EIF2S3B: variants seen among roughly 807,000 people sequenced by gnomAD.
EIF2S3B encodes eukaryotic translation initiation factor 2 subunit 3B.
A neutral mutation model predicts 26.4 loss-of-function variants in EIF2S3B; 16 were observed. That is an observed-to-expected ratio of 0.61 (90% CI 0.41 to 0.92). The LOEUF (loss-of-function observed/expected upper bound fraction) is 0.92, where lower values mean the gene tolerates loss of function less well. Ranked by LOEUF, EIF2S3B falls within the 40% of genes least tolerant of loss-of-function variation. The pLI, the probability that EIF2S3B is intolerant of heterozygous loss-of-function variation, is 0.00. For synonymous variants in EIF2S3B, 183 were observed against 204.4 expected (o/e 0.90, Z 0.89); for missense variants, 510 against 575.5 (o/e 0.89, Z 1.16).
intron 1 of EIF2S3B, among the ~76,000 whole-genome samples, chr12:10,522,347 A>G (rs1864841221): frequency 6.6e-6 from 1 of 152,184 alleles, no homozygotes; most frequent in Non-Finnish European, 1.5e-5. Flanking sequence ...AAAAATATTT[A>G]AATAAATAAA....
In EIF2S3B at chr12:10,507,559, A is replaced by C; in HGVS notation, c.*238A>C. The C allele has an allele frequency of 1.7e-6, 1 of 591,698 alleles. No individual in the cohort carries two copies. The highest frequency in any genetic ancestry group is 3.0e-6 in the Non-Finnish European group (1 of 336,026). 36.7% of individuals were successfully genotyped at this position (591,698 alleles called of 1,614,324 possible). ...ATCTACATTTTGGCAGAAGTTAAGCATTCCCACATAATGTCAAAATTATAC... is the reference window on the plus strand; with the variant it reads ...ATCTACATTTTGGCAGAAGTTAAGCCTTCCCACATAATGTCAAAATTATAC... On this transcript the variant is annotated 3_prime_UTR_variant, in exon 1 of 1. Coordinates refer to ENST00000538173, the MANE Select transcript of EIF2S3B (RefSeq NM_001357734.3).
downstream of EIF2S3B, among the ~76,000 whole-genome samples, chr12:10,510,411 A>G (rs1000550424): frequency 6.6e-6 from 1 of 152,156 alleles, no homozygotes; most frequent in Non-Finnish European, 1.5e-5. Flanking sequence ...TTTGTCATCA[A>G]TCTTAATGAG....
chr12:10,507,451 T>A lies in EIF2S3B; in HGVS notation c.*130T>A. The A allele has an allele frequency of 9.4e-7, 1 of 1,067,442 alleles. No homozygotes were observed. Among genetic ancestry groups the A allele is most frequent in the Non-Finnish European group, 1.4e-6 (1 of 728,754 alleles). The allele number at this position is 1,067,442 out of a possible 1,614,324, so 66.1% of individuals were successfully genotyped here. A position where few individuals can be genotyped will look rare whatever the true frequency, so the allele number is the denominator to read the frequency against. On this transcript the variant is annotated 3_prime_UTR_variant, in exon 1 of 1. Coordinates refer to ENST00000538173, the MANE Select transcript of EIF2S3B (RefSeq NM_001357734.3). ...AGTTTGTTACCTTAGTAGGTAACGG[T>A]AAGGTTATTCTCTCTTTTTTTTTTT...
Position 10,506,788 on chromosome 12 carries a change from G to C in EIF2S3B, c.886G>C (p.Val296Leu). 6.2e-7 allele frequency: 1 copy of C among 1,613,696 alleles called. No individual in the cohort carries two copies. Among genetic ancestry groups the C allele is most frequent in the Non-Finnish European group, 8.5e-7 (1 of 1,179,570 alleles). Residue 296 changes from valine (V) to leucine (L), a missense_variant, in exon 1 of 1, where the codon GTA becomes CTA. Physicochemically the swap from Val to Leu is conservative, Grantham distance 32. Coordinates refer to ENST00000538173, the MANE Select transcript of EIF2S3B (RefSeq NM_001357734.3). ...GVLKVGQETE[V>L]RPGIVSKDSE... ...ATTAAAGGTGGGCCAGGAGACAGAA[G>C]TAAGACCTGGTATTGTTTCCAAAGA...
rs201690662 is a variant in EIF2S3B, at chr12:10,506,871, G to A, written c.969G>A (p.Ala323=). ...SIFSKIVSLF[A]EHNDLQYAAP... ...TTTCCAAAATTGTTTCACTTTTTGC[G>A]GAGCATAATGATCTGCAATATGCTG... The change falls in exon 1 of 1, where the codon GCG becomes GCA. Residue 323 remains alanine, a synonymous_variant. Transcript: ENST00000538173. 4.0e-4 allele frequency: 647 copies of A among 1,613,454 alleles called. No homozygotes were observed. The highest frequency in any genetic ancestry group is 5.5e-4 in the African/African-American group (41 of 74,934).
At chr12:10,512,041 G>A (rs1039022955), downstream of EIF2S3B, among the ~76,000 whole-genome samples, 1 of 152,126 alleles carries the variant, frequency 6.6e-6, no homozygotes, top group African/African-American at 2.4e-5. Context: ...AACAAATGGA[G>A]CTATTGTTCC....
chr12:10,506,542 A>G lies in EIF2S3B; in HGVS notation c.640A>G (p.Thr214Ala), dbSNP rs1864632812. The G allele has an allele frequency of 6.3e-7, 1 of 1,589,020 alleles. No homozygotes were observed. The highest frequency in any genetic ancestry group is 1.3e-5 in the African/African-American group (1 of 74,466). The change falls in exon 1 of 1, where the codon ACA (threonine) becomes GCA (alanine). Residue 214 changes from threonine (T) to alanine (A), a missense_variant. By Grantham distance (58) the Thr-to-Ala change is moderately conservative. Coordinates refer to ENST00000538173, the MANE Select transcript of EIF2S3B (RefSeq NM_001357734.3). Reference sequence around the variant, plus strand: ...GCAGATCCTTGCGTTTGTCCAAGGTACAGTAGCAGAGGGAGCTCCCATTAT... The same window carrying G: ...GCAGATCCTTGCGTTTGTCCAAGGTGCAGTAGCAGAGGGAGCTCCCATTAT... Reference protein sequence around the residue: ...YEQILAFVQGTVAEGAPIIPI... With the variant: ...YEQILAFVQGAVAEGAPIIPI...
chr12:10,512,182 C>T (rs1297652122), downstream of EIF2S3B, among the ~76,000 whole-genome samples: 1 of 152,168 alleles, frequency 6.6e-6, no homozygotes, highest in Non-Finnish European at 1.5e-5. Context: ...ATCGCCCGCT[C>T]AAGTCCACAT....
At chr12:10,518,586 T>C (rs974769650) in intron 1 of EIF2S3B, among the ~76,000 whole-genome samples, 3 of 152,128 alleles carry the variant, frequency 2.0e-5, no homozygotes, top group South Asian at 2.1e-4. Context: ...AATTGGAGCA[T>C]TTAGCCCATT....
downstream of EIF2S3B, among the ~76,000 whole-genome samples, chr12:10,508,806 A>G (rs1392837408): frequency 6.6e-6 from 1 of 152,046 alleles, no homozygotes; most frequent in African/African-American, 2.4e-5. Flanking sequence ...GACTCATAGA[A>G]AAAAAATTCT....
chr12:10,522,853 A>G, exon 2 of EIF2S3B: 1 of 516,312 alleles, frequency 1.9e-6, no homozygotes, highest in Non-Finnish European at 3.5e-6. Context: ...CAACATGTTT[A>G]CAGCCAGCCC....
chr12:10,522,867 A>C (rs73070558), exon 2 of EIF2S3B: 74,924 of 477,906 alleles, frequency 0.16, 5,965 homozygotes, highest in Middle Eastern at 0.19. Context: ...CCAGCCCTAC[A>C]CCTGGACTTC....
Position 10,514,822 on chromosome 12 carries a change from T to C in EIF2S3B, c.1308+7612T>C, listed in dbSNP as rs559008041. ...TTTTTCATGATGCCAGTTTAGACAG[T>C]CATTGTCACTAACCTTGACTCCTAA... On this transcript the variant is annotated intron_variant, in intron 1 of 1. Transcript: ENST00000322446. Among the ~76,000 whole-genome samples, 305 of 152,212 alleles carry C rather than the reference T, an allele frequency of 2.0e-3. 10 individuals carry two copies. In the South Asian group the frequency reaches 0.061, roughly 30 times the overall value.
At chr12:10,514,449 C>A (rs1257951149) in intron 1 of EIF2S3B, among the ~76,000 whole-genome samples, 4 of 152,066 alleles carry the variant, frequency 2.6e-5, no homozygotes, top group Non-Finnish European at 5.9e-5. Context: ...TATATCCAGT[C>A]TAGGTATCTC....
At position 10,506,097 on chromosome 12, in the gene EIF2S3B, C is replaced by T. The variant is rs774771834; in HGVS notation, c.195C>T (p.His65=). 4.4e-5 allele frequency: 70 copies of T among 1,594,812 alleles called. No individual in the cohort carries two copies. In the Admixed American group the frequency reaches 5.3e-4, roughly 12 times the overall value. ...STVVKAISGV[H]TVRFKNELER... Reference sequence around the variant, plus strand: ...TCGTCAAAGCTATTTCTGGAGTTCACACCGTCAGGTTCAAAAATGAACTAG... The same window carrying T: ...TCGTCAAAGCTATTTCTGGAGTTCATACCGTCAGGTTCAAAAATGAACTAG... Residue 65 remains histidine (H), a synonymous_variant, in exon 1 of 1, where the codon CAC becomes CAT. Transcript: ENST00000538173.
chr12:10,520,001 C>T (rs1371373489), intron 1 of EIF2S3B, among the ~76,000 whole-genome samples: 1 of 151,678 alleles, frequency 6.6e-6, no homozygotes, highest in East Asian at 1.9e-4. Context: ...CCAGCCATCC[C>T]ATTACTGGGT....
At position 10,507,550 on chromosome 12, in the gene EIF2S3B, A is replaced by C. The variant is rs1175637778; in HGVS notation, c.*229A>C. ...TTGGATTGAATCTACATTTTGGCAGAAGTTAAGCATTCCCACATAATGTCA... is the reference window on the plus strand; with the variant it reads ...TTGGATTGAATCTACATTTTGGCAGCAGTTAAGCATTCCCACATAATGTCA... On this transcript the variant is annotated 3_prime_UTR_variant, in exon 1 of 1. Transcript: ENST00000538173. 6.7e-6 allele frequency: 4 copies of C among 597,736 alleles called. No homozygotes were observed. Among genetic ancestry groups the C allele is most frequent in the Non-Finnish European group, 1.2e-5 (4 of 340,056 alleles). The allele number at this position is 597,736 out of a possible 1,614,324, so 37.0% of individuals were successfully genotyped here.
At chr12:10,516,766 T>C (rs1024850033) in intron 1 of EIF2S3B, among the ~76,000 whole-genome samples, 2 of 152,140 alleles carry the variant, frequency 1.3e-5, no homozygotes, top group African/African-American at 4.8e-5. Context: ...ATAGCTCTTA[T>C]TATTTTGAGA....
chr12:10,513,097 T>A (rs1005846376), downstream of EIF2S3B, among the ~76,000 whole-genome samples: 10 of 152,240 alleles, frequency 6.6e-5, no homozygotes, highest in African/African-American at 1.9e-4. Context: ...AAAATGTAAC[T>A]ATCATACCGA....
Sources: allele counts gnomAD v4.1 joint callset (sites outside exome capture counted in the v4.1 genomes callset), GRCh38; gene constraint gnomAD v4.1.1; transcripts MANE v1.5; gene names NCBI Gene and HGNC (gene_info 2026-07-23, HGNC 2026-07-21).